Variants in PPP2R2B observed in about 807,000 individuals in gnomAD.
The protein encoded by PPP2R2B is serine/threonine-protein phosphatase 2A 55 kDa regulatory subunit B beta isoform.
PPP2R2B carries 5 observed loss-of-function variants against 46.0 expected under a neutral mutation model. That is an observed-to-expected ratio of 0.11 (90% CI 0.06 to 0.23). PPP2R2B has a LOEUF of 0.23. Ranked by LOEUF, PPP2R2B falls within the 10% of genes least tolerant of loss-of-function variation. The pLI, the probability that PPP2R2B is intolerant of heterozygous loss-of-function variation, is 1.00. For synonymous variants in PPP2R2B, 215 were observed against 206.7 expected, an observed-to-expected ratio of 1.04 and a Z score of -0.34; for missense variants, 367 against 575.0, an observed-to-expected ratio of 0.64 and a Z score of 3.70.
At chr5:147,020,932 G>T (rs1755231237) in intron 1 of PPP2R2B, among the ~76,000 whole-genome samples, 1 of 152,126 alleles carries the variant, frequency 6.6e-6, no homozygotes. Context: ...GGTCTATTAT[G>T]ATATTCTATA....
intron 2 of PPP2R2B, among the ~76,000 whole-genome samples, chr5:146,770,037 T>C (rs938730655): frequency 1.3e-5 from 2 of 151,984 alleles, no homozygotes; most frequent in African/African-American, 4.8e-5. Flanking sequence ...TGTAAAAGAA[T>C]GGAGAATTTG....
chr5:146,656,395 T>TA (rs1231771636), intron 5 of PPP2R2B: 1 of 152,640 alleles, frequency 6.6e-6, no homozygotes, highest in Admixed American at 6.6e-5. Flanking sequence ...TTTTTTTTTT[T>TA]AAGTAAGAAA....
At chr5:146,966,321 G>GTGTC (rs1752404402) in intron 1 of PPP2R2B, among the ~76,000 whole-genome samples, 1 of 152,184 alleles carries the variant, frequency 6.6e-6, no homozygotes, top group Non-Finnish European at 1.5e-5. Flanking sequence ...AGAGGCTGTT[G>GTGTC]TGTCCATCTT....
Position 146,895,932 on chromosome 5 carries a change from ATTC to A in PPP2R2B, c.79+159730_79+159732del, listed in dbSNP as rs560809407. Among the ~76,000 whole-genome samples, 41 of 152,248 alleles carry A rather than the reference ATTC, an allele frequency of 2.7e-4. No individual in the cohort carries two copies. The South Asian group carries it at 8.5e-3, about 32-fold the overall frequency. On this transcript the variant is annotated intron_variant, in intron 1 of 8. Transcript: ENST00000336640. ...ATGTCCTGTCACAGACCAGTCCGTG[ATTC>A]TTCAATAAGAAATTATGAAAATCGC...
chr5:146,914,261 C>T (rs886904730), intron 1 of PPP2R2B: 1 of 152,134 alleles, frequency 6.6e-6, no homozygotes. Context: ...AGAAGACCTT[C>T]TATTATGAGC....
Position 146,917,212 on chromosome 5 carries a change from G to A in PPP2R2B, c.79+138453C>T, listed in dbSNP as rs534426141. ...CATAGTTGCTCCTGTAATAACCAGCGACATGGGCTCTACACCCTGCCTGCA... is the reference window on the plus strand; with the variant it reads ...CATAGTTGCTCCTGTAATAACCAGCAACATGGGCTCTACACCCTGCCTGCA... On this transcript the variant is annotated intron_variant, in intron 1 of 8. Transcript: ENST00000336640. Among the ~76,000 whole-genome samples, 6 of 152,070 alleles carry A rather than the reference G, an allele frequency of 3.9e-5. No homozygotes were observed. In the East Asian group the frequency reaches 5.8e-4, roughly 15 times the overall value.
intron 2 of PPP2R2B, among the ~76,000 whole-genome samples, chr5:146,787,755 A>T (rs1483952027): frequency 6.6e-6 from 1 of 152,122 alleles, no homozygotes; most frequent in Non-Finnish European, 1.5e-5. Flanking sequence ...TTTAGTAAAG[A>T]TGGGGTTTCA....
chr5:146,681,220 A>G (rs1344949756), intron 5 of PPP2R2B, among the ~76,000 whole-genome samples: 2 of 152,224 alleles, frequency 1.3e-5, no homozygotes, highest in African/African-American at 2.4e-5. Flanking sequence ...ACTGATTTCA[A>G]ATTAGTTCTT....
At chr5:146,810,866 G>A (rs56191449) in intron 2 of PPP2R2B, among the ~76,000 whole-genome samples, 9 of 145,606 alleles carry the variant, frequency 6.2e-5, no homozygotes, top group South Asian at 2.2e-4. Flanking sequence ...AATGCTATCC[G>A]TCCCCCCTCC....
chr5:146,821,048 A>G (rs758930927), intron 2 of PPP2R2B, among the ~76,000 whole-genome samples: 4 of 152,112 alleles, frequency 2.6e-5, no homozygotes, highest in Non-Finnish European at 5.9e-5. Context: ...ACAGTGGTAC[A>G]TTCAGCCACA....
At chr5:147,023,692 A>T (rs1441474630) in intron 1 of PPP2R2B, among the ~76,000 whole-genome samples, 2 of 152,188 alleles carry the variant, frequency 1.3e-5, no homozygotes. Flanking sequence ...AGGGATACAC[A>T]GATAGCTGGT....
intron 2 of PPP2R2B, among the ~76,000 whole-genome samples, chr5:146,731,689 C>T (rs536111984): frequency 3.9e-4 from 60 of 152,296 alleles, no homozygotes; most frequent in African/African-American, 1.2e-3. Context: ...AATCTTTCCA[C>T]TTTTCATGAA....
chr5:146,684,743 C>T (rs1297622507), intron 5 of PPP2R2B, among the ~76,000 whole-genome samples: 1 of 152,194 alleles, frequency 6.6e-6, no homozygotes, highest in Non-Finnish European at 1.5e-5. Context: ...GTGCTTTTCT[C>T]AGGACAGTTA....
At chr5:146,775,406 T>C (rs181044949) in intron 2 of PPP2R2B, among the ~76,000 whole-genome samples, 6 of 152,288 alleles carry the variant, frequency 3.9e-5, no homozygotes, top group East Asian at 1.9e-4. Context: ...ATTGTCTCAA[T>C]TGACAAAGAA....
intron 7 of PPP2R2B, among the ~76,000 whole-genome samples, chr5:146,608,825 TCAGAA>T (rs1772557711): frequency 6.6e-6 from 1 of 152,026 alleles, no homozygotes; most frequent in Non-Finnish European, 1.5e-5. Flanking sequence ...TGGTACACTG[TCAGAA>T]GTCACCAAGC....
At chr5:146,802,100 A>G (rs1756901975) in intron 2 of PPP2R2B, among the ~76,000 whole-genome samples, 2 of 152,158 alleles carry the variant, frequency 1.3e-5, no homozygotes, top group Admixed American at 6.5e-5. Flanking sequence ...GACCCACACA[A>G]ACACCCAATG....
At chr5:147,064,355 T>G (rs1757357200) in intron 2 of PPP2R2B, among the ~76,000 whole-genome samples, 1 of 152,162 alleles carries the variant, frequency 6.6e-6, no homozygotes, top group Admixed American at 6.6e-5. Context: ...GTAGTGTCAC[T>G]GTGCTCTACC....
intron 2 of PPP2R2B, among the ~76,000 whole-genome samples, chr5:146,795,315 T>C (rs538548473): frequency 1.4e-4 from 22 of 152,044 alleles, no homozygotes; most frequent in Non-Finnish European, 2.8e-4. Flanking sequence ...GATTAATTAA[T>C]AAAGAAAATG....
At chr5:146,735,517 GATTAGCTGC>G (rs1176220162) in intron 2 of PPP2R2B, among the ~76,000 whole-genome samples, 5 of 152,292 alleles carry the variant, frequency 3.3e-5, no homozygotes, top group African/African-American at 9.6e-5. Context: ...TGCAAGGTTC[GATTAGCTGC>G]AAAGGAGATT....
Sources: allele counts gnomAD v4.1 joint callset (sites outside exome capture counted in the v4.1 genomes callset), GRCh38; gene constraint gnomAD v4.1.1; transcripts MANE v1.5; gene names NCBI Gene and HGNC (gene_info 2026-07-23, HGNC 2026-07-21).